The following PRORP variants were observed in gnomAD, a reference collection of about 807,000 sequenced individuals.
PRORP encodes the protein mitochondrial ribonuclease P catalytic subunit.
In PRORP, 51 loss-of-function variants were observed where a neutral mutation model predicts 59.4. The observed-to-expected ratio is 0.86, with a 90% CI of 0.69 to 1.08. The LOEUF is 1.08. Among genes scored for constraint, PRORP ranks in the 50% least tolerant of loss-of-function variants. The probability of loss-of-function intolerance (pLI) is 0.00; values close to 1 mark genes in which losing one functional copy is unlikely to be tolerated. For synonymous variants in PRORP, 231 were observed against 245.6 expected (o/e 0.94, Z 0.55); for missense variants, 646 against 690.3 (o/e 0.94, Z 0.72).
At chr14:35,163,091 T>G (rs1211213279) in intron 4 of PRORP, among the ~76,000 whole-genome samples, 1 of 152,154 alleles carries the variant, frequency 6.6e-6, no homozygotes, top group African/African-American at 2.4e-5. Flanking sequence ...TCTGGCACTT[T>G]CTTTAATAAA....
rs961573253 is a variant in PRORP, at chr14:35,184,847, C to T, written c.1275+4070C>T. Among the ~76,000 whole-genome samples, 19 of 152,312 alleles carry T rather than the reference C, an allele frequency of 1.2e-4. 1 individual carries two copies. The highest frequency in any genetic ancestry group is 3.4e-3 in the Middle Eastern group (1 of 294). ...TCTCCATCCATGTTCCTACAAAAGACATGATCTCATTCTTTTTTTGGCTGC... is the reference window on the plus strand; with the variant it reads ...TCTCCATCCATGTTCCTACAAAAGATATGATCTCATTCTTTTTTTGGCTGC... On this transcript the variant is annotated intron_variant, in intron 5 of 7. Transcript: ENST00000534898.
chr14:35,159,008 C>T (rs1048272726), intron 4 of PRORP: 6 of 328,780 alleles, frequency 1.8e-5, no homozygotes, highest in Non-Finnish European at 2.3e-5. Flanking sequence ...TTCCATCATT[C>T]CAGTCGTCCA....
At position 35,266,770 on chromosome 14, in the gene PRORP, T is replaced by C. The variant is rs775417525; in HGVS notation, c.1319T>C (p.Leu440Pro). ...CAACTAGCCAAACGGAATCTGCGAC[T>C]GCTGGTCCTAGGCCGGAAGCACATG... ...VSQLAKRNLR[L>P]LVLGRKHMLR... is the part of the protein sequence containing the mutation. The change falls in exon 6 of 8, where the codon CTG becomes CCG. Residue 440 changes from leucine to proline, a missense_variant. Leu to Pro is a moderately conservative substitution (Grantham distance 98, BLOSUM62 -3). Transcript: ENST00000534898. The C allele has an allele frequency of 4.5e-5, 72 of 1,614,094 alleles. No individual in the cohort carries two copies. In the East Asian group the frequency reaches 1.6e-3, roughly 35 times the overall value.
intron 4 of PRORP, among the ~76,000 whole-genome samples, chr14:35,153,017 C>T (rs2047815237): frequency 6.6e-6 from 1 of 152,232 alleles, no homozygotes; most frequent in Non-Finnish European, 1.5e-5. Flanking sequence ...GTAATCTCGG[C>T]ACTTTGGGAG....
chr14:35,122,035 C>G, upstream of PRORP: 1 of 1,526,010 alleles, frequency 6.6e-7, no homozygotes, highest in Non-Finnish European at 9.1e-7. Context: ...GGCGTCAGCA[C>G]CGCCAGGCCC....
In PRORP at chr14:35,124,080, T is replaced by C; in HGVS notation, c.835T>C (p.Leu279=). 2 of 1,613,966 alleles carry C rather than the reference T, an allele frequency of 1.2e-6. No individual in the cohort carries two copies. Among genetic ancestry groups the C allele is most frequent in the Non-Finnish European group, 8.5e-7 (1 of 1,179,934 alleles). The change falls in exon 2 of 8, where the codon TTG becomes CTG. Residue 279 remains leucine (L), a synonymous_variant. Coordinates refer to ENST00000534898, the MANE Select transcript of PRORP (RefSeq NM_014672.4). ...ELLGHDIVPM[L]ETLKAFFDFG... is the part of the protein sequence containing the mutation. ...GCTAGGTCATGATATTGTTCCTATG[T>C]TGGAAACTTTAAAAGCTTTCTTTGA...
chr14:35,127,690 C>A (rs2047132286), intron 4 of PRORP, 79 bp downstream of exon 4: 23 of 1,488,302 alleles, frequency 1.5e-5, no homozygotes, highest in Non-Finnish European at 2.0e-5. Context: ...ATGCCAGATA[C>A]TAAATATTTT....
At position 35,127,496 on chromosome 14, in the gene PRORP, G is replaced by A; in HGVS notation, c.1052G>A (p.Cys351Tyr). 6.2e-7 allele frequency: 1 copy of A among 1,608,268 alleles called. No homozygotes were observed. Among genetic ancestry groups the A allele is most frequent in the Non-Finnish European group, 8.5e-7 (1 of 1,177,184 alleles). Reference protein sequence around the residue: ...TVRKSGQCSGCGKTIESIQLS... With the variant: ...TVRKSGQCSGYGKTIESIQLS... ...AATTACAGTGGCCAGTGTTCGGGCTGTGGAAAAACCATAGAGTCTATTCAG... is the reference window on the plus strand; with the variant it reads ...AATTACAGTGGCCAGTGTTCGGGCTATGGAAAAACCATAGAGTCTATTCAG... Residue 351 changes from cysteine (C) to tyrosine (Y), a missense_variant, in exon 4 of 8, where the codon TGT (cysteine) becomes TAT (tyrosine). Physicochemically the swap from Cys to Tyr is radical, Grantham distance 194. Transcript: ENST00000534898.
At position 35,144,852 on chromosome 14, in the gene PRORP, TAAA is replaced by T. The variant is rs549936460; in HGVS notation, c.1167+17243_1167+17245del. ...TATGATTTTCTTTTTCTTTCTATTG[TAAA>T]AGTTCAAGTAAAGTTTATTTCCCTC... On this transcript the variant is annotated intron_variant, in intron 4 of 7. Transcript: ENST00000534898. Among the ~76,000 whole-genome samples, 569 of 146,370 alleles carry T rather than the reference TAAA, an allele frequency of 3.9e-3. 23 individuals carry two copies. The highest frequency in any genetic ancestry group is 0.013 in the African/African-American group (531 of 41,234).
At chr14:35,205,042 G>A (rs900912692) in intron 5 of PRORP, among the ~76,000 whole-genome samples, 3 of 152,280 alleles carry the variant, frequency 2.0e-5, no homozygotes, top group South Asian at 2.1e-4. Context: ...TAAATTCAGA[G>A]CTAGTAAATG....
At chr14:35,219,924 G>T (rs1458537789) in intron 5 of PRORP, among the ~76,000 whole-genome samples, 1 of 152,106 alleles carries the variant, frequency 6.6e-6, no homozygotes, top group African/African-American at 2.4e-5. Flanking sequence ...CTTAAATTTA[G>T]AAGGTCTTAA....
intron 5 of PRORP, chr14:35,262,891 T>A: frequency 6.4e-7 from 1 of 1,556,390 alleles, no homozygotes; most frequent in South Asian, 1.1e-5. Context: ...GATGAATTAA[T>A]CCTTGAAGGT....
Position 35,123,989 on chromosome 14 carries a change from T to A in PRORP, c.744T>A (p.Asn248Lys). Reference protein sequence around the residue: ...KVITPSKKNYNDCIQGALLHQ... With the variant: ...KVITPSKKNYKDCIQGALLHQ... The stretch of plus-strand genomic sequence containing the variant: ...TAACTCCTTCAAAAAAGAACTATAA[T>A]GACTGTATCCAGGGAGCTCTCCTTC... The change falls in exon 2 of 8, where the codon AAT becomes AAA. Residue 248 changes from asparagine to lysine, a missense_variant. Coordinates refer to ENST00000534898, the MANE Select transcript of PRORP (RefSeq NM_014672.4). The A allele has an allele frequency of 6.2e-7, 1 of 1,614,116 alleles. No homozygotes were observed. The highest frequency in any genetic ancestry group is 1.1e-5 in the South Asian group (1 of 91,068).
chr14:35,212,906 CT>C (rs1197252418), intron 5 of PRORP, among the ~76,000 whole-genome samples: 2 of 152,218 alleles, frequency 1.3e-5, no homozygotes, highest in Non-Finnish European at 2.9e-5. Flanking sequence ...CATTGCCAAT[CT>C]GTTGTTTAGT....
rs893593554 is a variant in PRORP at position 35,139,466 on chromosome 14, A to G, written c.1167+11855A>G. On this transcript the variant is annotated intron_variant, in intron 4 of 7. Transcript: ENST00000534898. ...TCCCTTGCCCTGCCATCCCCAGGCA[A>G]CCACTATGGAATCATACAATATATA... is the stretch of plus-strand genomic sequence containing the variant. Among the ~76,000 whole-genome samples the G allele has an allele frequency of 6.9e-5, 10 of 145,122 alleles. 1 individual carries two copies. The highest frequency in any genetic ancestry group is 1.9e-4 in the African/African-American group (8 of 41,044).
intron 7 of PRORP, among the ~76,000 whole-genome samples, chr14:35,272,198 G>C (rs1039614340): frequency 6.6e-6 from 1 of 152,206 alleles, no homozygotes; most frequent in Non-Finnish European, 1.5e-5. Context: ...CACAAAAATT[G>C]TAAGTATATA....
At chr14:35,187,986 G>C in intron 5 of PRORP, among the ~76,000 whole-genome samples, 1 of 150,698 alleles carries the variant, frequency 6.6e-6, no homozygotes, top group African/African-American at 2.4e-5. Flanking sequence ...GAGTAGCTGG[G>C]ATTACAGGCA....
At chr14:35,180,630 T>C in intron 4 of PRORP, 40 bp from the exon 5 acceptor site, 1 of 1,252,266 alleles carries the variant, frequency 8.0e-7, no homozygotes, top group South Asian at 1.2e-5. Context: ...AAGTCCTTAC[T>C]GAGTTCTTAT....
chr14:35,156,627 T>TG, intron 4 of PRORP, among the ~76,000 whole-genome samples: 1 of 152,358 alleles, frequency 6.6e-6, no homozygotes, highest in East Asian at 1.9e-4. Flanking sequence ...ATGGCAAAAG[T>TG]GCATTCTGTC....
Sources: gnomAD v4.1 joint callset for allele counts (sites outside exome capture counted in the v4.1 genomes callset) on GRCh38, gnomAD v4.1.1 for gene constraint, MANE v1.5 for transcripts, NCBI Gene and HGNC (gene_info 2026-07-23, HGNC 2026-07-21) for gene names.